Variants in CR1 observed in about 807,000 individuals in gnomAD.
The protein encoded by CR1 is complement C3b/C4b receptor 1 (Knops blood group).
CR1 carries 116 observed loss-of-function variants against 187.3 expected under a neutral mutation model. The ratio of observed to expected loss-of-function variants is 0.62; its 90% CI spans 0.53 to 0.72. The LOEUF (loss-of-function observed/expected upper bound fraction) is 0.72, where lower values mean the gene tolerates loss of function less well. Among genes scored for constraint, CR1 ranks in the 30% least tolerant of loss-of-function variants. The probability of loss-of-function intolerance (pLI) is 0.00; values close to 1 mark genes in which losing one functional copy is unlikely to be tolerated. For missense variants in CR1, 1,731 were observed against 2,110.7 expected (o/e 0.82, Z 3.52); for synonymous variants, 576 against 747.1 (o/e 0.77, Z 3.73).
At chr1:207,499,977 C>A (rs1659216052) in intron 1 of CR1, among the ~76,000 whole-genome samples, 2 of 152,206 alleles carry the variant, frequency 1.3e-5, no homozygotes, top group African/African-American at 2.4e-5. Flanking sequence ...ATCCCTCTCA[C>A]CCTCTCCGCA....
intron 35 of CR1, among the ~76,000 whole-genome samples, chr1:207,593,349 C>A (rs201244595): frequency 6.6e-6 from 1 of 152,120 alleles, no homozygotes; most frequent in African/African-American, 2.4e-5. Flanking sequence ...CAAAAACAAG[C>A]AATGGGGAAA....
intron 4 of CR1, among the ~76,000 whole-genome samples, chr1:207,520,950 ATTTTTTTTTTTTTGGTTG>A (rs1659967800): frequency 1.5e-5 from 1 of 64,938 alleles, no homozygotes; most frequent in Non-Finnish European, 3.5e-5. Flanking sequence ...GGGTTTGCAC[ATTTTTTTTTTTTTGGTTG>A]TTTTTTTTTT....
intron 46 of CR1, among the ~76,000 whole-genome samples, chr1:207,630,921 C>A (rs1288061704): frequency 6.6e-6 from 1 of 152,086 alleles, no homozygotes; most frequent in Non-Finnish European, 1.5e-5. Flanking sequence ...TCTTGTGGAA[C>A]CCAAGAATTT....
chr1:207,574,439 A>C lies in CR1; in HGVS notation c.4452-1156A>C, dbSNP rs187752479. 3.6e-3 allele frequency among the ~76,000 whole-genome samples: 554 copies of C among 152,334 alleles called. 3 individuals carry two copies. Among genetic ancestry groups the C allele is most frequent in the Non-Finnish European group, 4.4e-3 (301 of 68,024 alleles). On this transcript the variant is annotated intron_variant, in intron 27 of 46. Coordinates refer to ENST00000367049, the MANE Select transcript of CR1 (RefSeq NM_000651.6). ...TCCAGATACACATTAAAGGATAAGAAAGACACAAAAATTGTACCATTTAAG... is the reference window on the plus strand; with the variant it reads ...TCCAGATACACATTAAAGGATAAGACAGACACAAAAATTGTACCATTTAAG...
At chr1:207,581,255 TATGTAG>T (rs1462583226) in intron 31 of CR1, among the ~76,000 whole-genome samples, 35 of 151,304 alleles carry the variant, frequency 2.3e-4, no homozygotes, top group Admixed American at 4.6e-4. Context: ...TGGACACGTA[TATGTAG>T]ACGTATACAT....
chr1:207,633,216 T>G (rs1662705081), intron 46 of CR1, among the ~76,000 whole-genome samples: 1 of 152,178 alleles, frequency 6.6e-6, no homozygotes, highest in African/African-American at 2.4e-5. Flanking sequence ...ATGATATCTC[T>G]CTTTGAAACT....
intron 39 of CR1, among the ~76,000 whole-genome samples, chr1:207,613,005 C>T (rs552385598): frequency 7.7e-4 from 118 of 152,316 alleles, no homozygotes; most frequent in African/African-American, 2.7e-3. Context: ...CCAGCTCTGG[C>T]TTGATCCGCT....
At chr1:207,575,253 CA>C (rs1229771024) in intron 27 of CR1, among the ~76,000 whole-genome samples, 19 of 148,542 alleles carry the variant, frequency 1.3e-4, no homozygotes, top group Admixed American at 8.1e-4. Context: ...AAAATGCAAA[CA>C]AAAAAAGGCA....
At chr1:207,605,468 T>C (rs1208773187) in intron 35 of CR1, among the ~76,000 whole-genome samples, 4 of 152,114 alleles carry the variant, frequency 2.6e-5, no homozygotes, top group Non-Finnish European at 5.9e-5. Context: ...CCTATAAATA[T>C]ATACAATTAT....
At chr1:207,580,918 G>A (rs1272657607) in intron 31 of CR1, among the ~76,000 whole-genome samples, 1 of 152,172 alleles carries the variant, frequency 6.6e-6, no homozygotes, top group Non-Finnish European at 1.5e-5. Flanking sequence ...CTGAAACAAT[G>A]ATTGGAAAGT....
intron 35 of CR1, among the ~76,000 whole-genome samples, chr1:207,605,055 T>C (rs576108314): frequency 1.1e-4 from 16 of 152,104 alleles, no homozygotes; most frequent in Admixed American, 2.0e-4. Flanking sequence ...GCCTAGAAGT[T>C]AGAAACTAGG....
chr1:207,616,658 A>G lies in CR1; in HGVS notation c.6745A>G (p.Ile2249Val). Reference protein sequence around the residue: ...PFGDIPYGKEISYACDTHPDR... With the variant: ...PFGDIPYGKEVSYACDTHPDR... Reference sequence around the variant, plus strand: ...TGGAGATATTCCCTATGGAAAAGAAATATCTTACGCATGCGACACCCACCC... The same window carrying G: ...TGGAGATATTCCCTATGGAAAAGAAGTATCTTACGCATGCGACACCCACCC... Residue 2249 changes from isoleucine to valine, a missense_variant, in exon 41 of 47, where the codon ATA becomes GTA. Transcript: ENST00000367049. 6.2e-7 allele frequency: 1 copy of G among 1,613,892 alleles called. No homozygotes were observed. Among genetic ancestry groups the G allele is most frequent in the Non-Finnish European group, 8.5e-7 (1 of 1,179,820 alleles).
At chr1:207,508,872 T>C (rs1201875337) in intron 3 of CR1, among the ~76,000 whole-genome samples, 1 of 152,146 alleles carries the variant, frequency 6.6e-6, no homozygotes, top group African/African-American at 2.4e-5. Context: ...TGGTCCCATA[T>C]GGAAAATATA....
At position 207,581,960 on chromosome 1, in the gene CR1, T is replaced by TGGAATG. The variant is rs1660970297; in HGVS notation, c.5260_5265dup (p.Gly1754_Met1755dup). ...GTTCCGTTAGTCATTGTGTCTTGGT[T>TGGAATG]GGAATGAGAAGCCTTTGGAATAACA... On this transcript the variant is annotated inframe_insertion, in exon 32 of 47. Transcript: ENST00000367049. 1 of 1,613,296 alleles carries TGGAATG rather than the reference T, an allele frequency of 6.2e-7. No homozygotes were observed. Among genetic ancestry groups the TGGAATG allele is most frequent in the South Asian group, 1.1e-5 (1 of 91,052 alleles).
intron 32 of CR1, among the ~76,000 whole-genome samples, chr1:207,583,764 A>C (rs867175240): frequency 7.6e-4 from 116 of 152,328 alleles, no homozygotes; most frequent in African/African-American, 2.4e-3. Context: ...ACTTCCCTGG[A>C]ATAGTTAAGA....
chr1:207,573,071 C>T (rs186308211), intron 27 of CR1, among the ~76,000 whole-genome samples: 3 of 151,942 alleles, frequency 2.0e-5, no homozygotes, highest in Non-Finnish European at 2.9e-5. Context: ...GAGGTTAAGA[C>T]TTCAGCATAC....
intron 46 of CR1, among the ~76,000 whole-genome samples, chr1:207,634,244 T>A (rs921650917): frequency 6.6e-6 from 1 of 152,212 alleles, no homozygotes; most frequent in Non-Finnish European, 1.5e-5. Context: ...TTTTTGGAAA[T>A]ACTCTTACAT....
intron 4 of CR1, 144 bp downstream of exon 4, chr1:207,511,798 TG>T (rs1480590423): frequency 1.5e-6 from 1 of 680,920 alleles, no homozygotes; most frequent in East Asian, 2.8e-5. Context: ...AATATTCCTA[TG>T]GGGTTCCTGG....
At chr1:207,503,838 A>T (rs985147968) in intron 1 of CR1, among the ~76,000 whole-genome samples, 1 of 152,232 alleles carries the variant, frequency 6.6e-6, no homozygotes, top group African/African-American at 2.4e-5. Context: ...CTAATAAGGG[A>T]GTTCATTACC....
Sources: allele counts gnomAD v4.1 joint callset (sites outside exome capture counted in the v4.1 genomes callset), GRCh38; gene constraint gnomAD v4.1.1; transcripts MANE v1.5; gene names NCBI Gene and HGNC (gene_info 2026-07-23, HGNC 2026-07-21).